GHR: variants seen among roughly 807,000 people sequenced by gnomAD.
GHR encodes the protein GH receptor.
Under a neutral mutation model 67.1 loss-of-function variants are expected in GHR, and 35 were observed. That is an observed-to-expected ratio of 0.52 (90% CI 0.40 to 0.69). The LOEUF (loss-of-function observed/expected upper bound fraction) is 0.69, where lower values mean the gene tolerates loss of function less well. GHR is among the 30% of genes least tolerant of loss of function. The pLI, the probability that GHR is intolerant of heterozygous loss-of-function variation, is 0.00. For synonymous variants in GHR, 272 were observed against 269.1 expected (o/e 1.01, Z -0.10); for missense variants, 792 against 764.6 (o/e 1.04, Z -0.42).
chr5:42,592,639 A>T (rs1412434249), intron 2 of GHR, among the ~76,000 whole-genome samples: 1 of 152,188 alleles, frequency 6.6e-6, no homozygotes, highest in East Asian at 1.9e-4. Context: ...TATATGTATC[A>T]CATTTTCTTT....
At chr5:42,526,720 G>A (rs552337957) in intron 1 of GHR, among the ~76,000 whole-genome samples, 10 of 152,024 alleles carry the variant, frequency 6.6e-5, no homozygotes, top group South Asian at 2.1e-4. Context: ...GTCAAATTCA[G>A]GAAATACAGA....
intron 1 of GHR, among the ~76,000 whole-genome samples, chr5:42,432,263 A>G (rs1200220878): frequency 1.3e-5 from 2 of 152,174 alleles, no homozygotes; most frequent in East Asian, 3.8e-4. Flanking sequence ...CATTATATCT[A>G]TCTTTTAAAA....
At chr5:42,687,030 A>T (rs905752667) in intron 3 of GHR, among the ~76,000 whole-genome samples, 2 of 152,258 alleles carry the variant, frequency 1.3e-5, no homozygotes, top group Admixed American at 6.5e-5. Context: ...CCTATACACC[A>T]GTAACAGACA....
At chr5:42,602,651 T>C (rs1752436642) in intron 2 of GHR, among the ~76,000 whole-genome samples, 1 of 152,180 alleles carries the variant, frequency 6.6e-6, no homozygotes, top group Non-Finnish European at 1.5e-5. Flanking sequence ...ATTTCTTCTT[T>C]TGTGTAACTT....
intron 1 of GHR, among the ~76,000 whole-genome samples, chr5:42,538,222 G>T (rs572892191): frequency 6.6e-6 from 1 of 152,102 alleles, no homozygotes; most frequent in South Asian, 2.1e-4. Context: ...GTGTACCTTG[G>T]TTTTTTGTTT....
chr5:42,567,278 T>C (rs1749995122), intron 2 of GHR, among the ~76,000 whole-genome samples: 1 of 152,190 alleles, frequency 6.6e-6, no homozygotes, highest in Non-Finnish European at 1.5e-5. Flanking sequence ...TAGGAAATCT[T>C]TAAAGAAAAT....
rs1475132614 is a variant in GHR, at chr5:42,534,234, ATGTG to A, written c.-11-31628_-11-31625del. ...TATATGTATATATGTACATGTGTATATGTGTATATATGTATATATGTACATGTGT... is the reference window on the plus strand; with the variant it reads ...TATATGTATATATGTACATGTGTATATATATATGTATATATGTACATGTGT... On this transcript the variant is annotated intron_variant, in intron 1 of 9. Coordinates refer to ENST00000230882, the MANE Select transcript of GHR (RefSeq NM_000163.5). Among the ~76,000 whole-genome samples, 167 of 116,904 alleles carry A rather than the reference ATGTG, an allele frequency of 1.4e-3. 1 individual carries two copies. Among genetic ancestry groups the A allele is most frequent in the African/African-American group, 6.8e-3 (147 of 21,684 alleles). The allele number at this position is 116,904 out of a possible 152,430, so 76.7% of individuals were successfully genotyped here. A position where few individuals can be genotyped will look rare whatever the true frequency, so the allele number is the denominator to read the frequency against.
intron 1 of GHR, chr5:42,513,945 G>A (rs1747132398): frequency 5.6e-6 from 1 of 179,736 alleles, no homozygotes; most frequent in South Asian, 1.9e-4. Context: ...ATATAAAAAT[G>A]ACTGCAAACA....
intron 1 of GHR, among the ~76,000 whole-genome samples, chr5:42,541,248 A>G (rs1748504362): frequency 6.6e-6 from 1 of 152,226 alleles, no homozygotes; most frequent in Non-Finnish European, 1.5e-5. Flanking sequence ...GAGAAAAATT[A>G]AGTAGTATAA....
At chr5:42,477,619 T>G (rs1359305380) in intron 1 of GHR, among the ~76,000 whole-genome samples, 1 of 152,250 alleles carries the variant, frequency 6.6e-6, no homozygotes, top group East Asian at 1.9e-4. Flanking sequence ...TGATTTGCAT[T>G]TCTCTGATGG....
intron 2 of GHR, among the ~76,000 whole-genome samples, chr5:42,586,470 G>A (rs949222311): frequency 2.0e-5 from 3 of 152,226 alleles, no homozygotes; most frequent in African/African-American, 7.2e-5. Context: ...TCTTCTGGAA[G>A]ATGGAAATTG....
chr5:42,684,140 T>A (rs1350187590), intron 3 of GHR, among the ~76,000 whole-genome samples: 1 of 152,226 alleles, frequency 6.6e-6, no homozygotes, highest in Non-Finnish European at 1.5e-5. Flanking sequence ...GCCAAAATTA[T>A]GTTTTTGTTG....
intron 1 of GHR, among the ~76,000 whole-genome samples, chr5:42,476,065 C>T (rs915082615): frequency 6.6e-6 from 1 of 151,892 alleles, no homozygotes; most frequent in Admixed American, 6.6e-5. Flanking sequence ...CCACCATGCC[C>T]GGCTAATTTT....
At chr5:42,546,895 A>G (rs1431898463) in intron 1 of GHR, among the ~76,000 whole-genome samples, 1 of 152,172 alleles carries the variant, frequency 6.6e-6, no homozygotes, top group Non-Finnish European at 1.5e-5. Flanking sequence ...ACATCAAAAG[A>G]TGAAACAGGG....
At chr5:42,665,943 G>C (rs1168414672) in intron 3 of GHR, among the ~76,000 whole-genome samples, 2 of 151,928 alleles carry the variant, frequency 1.3e-5, no homozygotes, top group Admixed American at 6.6e-5. Flanking sequence ...ACTGTCATGA[G>C]AACAGCACAA....
chr5:42,670,267 G>A (rs906843061), intron 3 of GHR, among the ~76,000 whole-genome samples: 7 of 152,154 alleles, frequency 4.6e-5, no homozygotes, highest in African/African-American at 1.7e-4. Context: ...AACACACAAT[G>A]GGGAAAGACA....
chr5:42,720,567 C>G lies in GHR; in HGVS notation c.*1143C>G, dbSNP rs1259766646. 1 of 152,094 alleles carries G rather than the reference C, an allele frequency of 6.6e-6. No homozygotes were observed. The highest frequency in any genetic ancestry group is 1.5e-5 in the Non-Finnish European group (1 of 68,020). The allele number at this position is 152,094 out of a possible 1,614,324, so 9.4% of individuals were successfully genotyped here. On this transcript the variant is annotated 3_prime_UTR_variant, in exon 10 of 10. Coordinates refer to ENST00000230882, the MANE Select transcript of GHR (RefSeq NM_000163.5). Reference sequence around the variant, plus strand: ...AAGCATTTTGTAAGTTGAAGCAAATCGAATGAAATTAACTGGGTAATGAAA... The same window carrying G: ...AAGCATTTTGTAAGTTGAAGCAAATGGAATGAAATTAACTGGGTAATGAAA...
intron 1 of GHR, among the ~76,000 whole-genome samples, chr5:42,480,824 G>T (rs992535184): frequency 5.9e-5 from 9 of 152,176 alleles, no homozygotes; most frequent in Non-Finnish European, 1.0e-4. Context: ...ACGCTGATGG[G>T]TCTTGACTCT....
rs566785744 is a variant in GHR at position 42,616,137 on chromosome 5, T to C, written c.71-12901T>C. Among the ~76,000 whole-genome samples the C allele has an allele frequency of 2.6e-5, 4 of 152,196 alleles. No individual in the cohort carries two copies. The East Asian group carries it at 7.7e-4, about 29-fold the overall frequency. On this transcript the variant is annotated intron_variant, in intron 2 of 9. Coordinates refer to ENST00000230882, the MANE Select transcript of GHR (RefSeq NM_000163.5). ...TTATTCTGATTACATGGGAAGCCAC[T>C]AGAGAATTTTAGCCAGTGAGGTAGC... is the stretch of plus-strand genomic sequence containing the variant.
Sources: allele counts gnomAD v4.1 joint callset (sites outside exome capture counted in the v4.1 genomes callset), GRCh38; gene constraint gnomAD v4.1.1; transcripts MANE v1.5; gene names NCBI Gene and HGNC (gene_info 2026-07-23, HGNC 2026-07-21).